SUV39H2: variants seen among roughly 807,000 people sequenced by gnomAD.
The protein encoded by SUV39H2 is histone-lysine N-methyltransferase SUV39H2.
A neutral mutation model predicts 47.5 loss-of-function variants in SUV39H2; 10 were observed. That is an observed-to-expected ratio of 0.21 (90% CI 0.13 to 0.36). The LOEUF (loss-of-function observed/expected upper bound fraction) is 0.36, where lower values mean the gene tolerates loss of function less well. Ranked by LOEUF, SUV39H2 falls within the 10% of genes least tolerant of loss-of-function variation. The pLI is 1.00. For synonymous variants in SUV39H2, 159 were observed against 166.8 expected (o/e 0.95, Z 0.36); for missense variants, 266 against 487.4 (o/e 0.55, Z 4.28).
At chr10:14,879,928 T>C (rs1329736161) in intron 1 of SUV39H2, 1 of 152,014 alleles carries the variant, frequency 6.6e-6, no homozygotes, top group East Asian at 1.9e-4. Context: ...CACTTTTTTT[T>C]TTTTTTTAAT....
rs113301024 is a variant in SUV39H2 at position 14,902,603 on chromosome 10, G to A, written c.*91G>A. The A allele has an allele frequency of 2.9e-5, 22 of 762,480 alleles. No homozygotes were observed. The African/African-American group carries it at 3.0e-4, about 10-fold the overall frequency. 47.2% of individuals were successfully genotyped at this position (762,480 alleles called of 1,614,324 possible). A position where few individuals can be genotyped will look rare whatever the true frequency, so the allele number is the denominator to read the frequency against. ...ACATATTTGGGACTCTTATTATCAA[G>A]GTTCTACCTATGTTAATTTACAATT... On this transcript the variant is annotated 3_prime_UTR_variant, in exon 6 of 6. Coordinates refer to ENST00000354919, the MANE Select transcript of SUV39H2 (RefSeq NM_001193424.2).
chr10:14,891,058 G>C (rs536810699), intron 2 of SUV39H2, among the ~76,000 whole-genome samples: 4 of 152,288 alleles, frequency 2.6e-5, no homozygotes, highest in African/African-American at 9.6e-5. Flanking sequence ...AAATAACTTA[G>C]AGTTTAAATT....
chr10:14,879,050 C>T (rs1204578310), intron 1 of SUV39H2, 131 bp downstream of exon 1: 7 of 1,315,058 alleles, frequency 5.3e-6, no homozygotes, highest in Admixed American at 4.2e-5. Flanking sequence ...ACCCCAACTC[C>T]GGGACGCACG....
intron 3 of SUV39H2, 132 bp from the exon 4 acceptor site, chr10:14,899,407 A>C (rs1328215825): frequency 1.1e-6 from 1 of 927,778 alleles, no homozygotes; most frequent in Non-Finnish European, 1.6e-6. Context: ...GTTTGTGTGA[A>C]TGTTTGCTTT....
In SUV39H2 at chr10:14,881,606, T is replaced by C. The variant is rs763481504; in HGVS notation, c.138T>C (p.Asn46=). Residue 46 remains asparagine (N), a synonymous_variant, in exon 2 of 6, where the codon AAT becomes AAC. Transcript: ENST00000354919. ...GAATCACCAAAAGGAATCTAAACAA[T>C]TATGAGGTGGAATACTTGTGTGACT... ...SIGITKRNLN[N]YEVEYLCDYK... 6.2e-7 allele frequency: 1 copy of C among 1,600,524 alleles called. No homozygotes were observed. The highest frequency in any genetic ancestry group is 1.3e-5 in the African/African-American group (1 of 74,296).
intron 2 of SUV39H2, among the ~76,000 whole-genome samples, chr10:14,896,096 C>G (rs574824374): frequency 6.6e-6 from 1 of 152,036 alleles, no homozygotes; most frequent in Non-Finnish European, 1.5e-5. Context: ...GCGTGCACCA[C>G]CACACCCAGC....
chr10:14,897,953 A>G (rs1212800200), intron 3 of SUV39H2: 1 of 152,384 alleles, frequency 6.6e-6, no homozygotes, highest in Non-Finnish European at 1.5e-5. Flanking sequence ...GAAAGATACT[A>G]TATTTATGAG....
In SUV39H2 at chr10:14,902,476, A is replaced by G; in HGVS notation, c.1197A>G (p.Lys399=). The G allele has an allele frequency of 6.2e-7, 1 of 1,605,552 alleles. No homozygotes were observed. Among genetic ancestry groups the G allele is most frequent in the Non-Finnish European group, 8.5e-7 (1 of 1,176,956 alleles). ...PAKKRVRTVC[K]CGAVTCRGYL... ...AAAAGAGGGTCAGAACAGTATGTAA[A>G]TGTGGAGCTGTGACTTGCAGAGGTT... The change falls in exon 6 of 6, where the codon AAA becomes AAG. Residue 399 remains lysine, a synonymous_variant. Coordinates refer to ENST00000354919, the MANE Select transcript of SUV39H2 (RefSeq NM_001193424.2).
chr10:14,894,146 C>T (rs186034411), intron 2 of SUV39H2, among the ~76,000 whole-genome samples: 48 of 151,718 alleles, frequency 3.2e-4, no homozygotes, highest in African/African-American at 9.2e-4. Context: ...TGAATTGTAG[C>T]GGTCACCTGA....
intron 1 of SUV39H2, chr10:14,879,812 G>A (rs978187929): frequency 6.6e-6 from 1 of 152,132 alleles, no homozygotes; most frequent in Non-Finnish European, 1.5e-5. Context: ...GTTTGTGGTG[G>A]TCATGAACTA....
chr10:14,898,223 T>C (rs907021555), intron 3 of SUV39H2: 2 of 142,046 alleles, frequency 1.4e-5, no homozygotes, highest in African/African-American at 5.3e-5. Flanking sequence ...TTTTTTTTTT[T>C]TTTTTTTGAG....
chr10:14,891,740 G>T (rs766094700), intron 2 of SUV39H2, among the ~76,000 whole-genome samples: 1 of 152,170 alleles, frequency 6.6e-6, no homozygotes, highest in Non-Finnish European at 1.5e-5. Flanking sequence ...AAGGAATAAA[G>T]AAATAATCTG....
chr10:14,894,718 A>G (rs1378539435), intron 2 of SUV39H2, among the ~76,000 whole-genome samples: 1 of 152,198 alleles, frequency 6.6e-6, no homozygotes, highest in Non-Finnish European at 1.5e-5. Flanking sequence ...AATATAATGA[A>G]ACAAAATATT....
intron 3 of SUV39H2, chr10:14,898,567 A>G (rs1474144617): frequency 6.6e-6 from 1 of 152,194 alleles, no homozygotes; most frequent in African/African-American, 2.4e-5. Flanking sequence ...TATTCAGTAT[A>G]CAAGATCTTG....
intron 3 of SUV39H2, 61 bp downstream of exon 3, chr10:14,897,578 T>C (rs1218641497): frequency 1.5e-6 from 2 of 1,358,694 alleles, no homozygotes; most frequent in African/African-American, 2.9e-5. Context: ...TTTGGAAAAT[T>C]ACCTTTTTAT....
chr10:14,903,664 AGGGAGTG>A lies in SUV39H2; in HGVS notation c.*1155_*1161del, dbSNP rs1834166926. ...CTAAAATAGAATATATTAGTTTTCA[AGGGAGTG>A]GGAGGCTTCCAACATAGTATTGAAT... is the stretch of plus-strand genomic sequence containing the variant. On this transcript the variant is annotated 3_prime_UTR_variant, in exon 6 of 6. Transcript: ENST00000354919. The A allele has an allele frequency of 6.6e-6, 1 of 152,188 alleles. No homozygotes were observed. The highest frequency in any genetic ancestry group is 1.5e-5 in the Non-Finnish European group (1 of 68,020). The allele number at this position is 152,188 out of a possible 1,614,324, so 9.4% of individuals were successfully genotyped here. A position where few individuals can be genotyped will look rare whatever the true frequency, so the allele number is the denominator to read the frequency against.
rs1253878179 is a variant in SUV39H2, at chr10:14,904,307, A to G, written c.*1795A>G. ...GTGACACAGTAAGACTGTCTCCAAA[A>G]AAAAAAAATTTTTTTTTTTTTTTTT... is the stretch of plus-strand genomic sequence containing the variant. On this transcript the variant is annotated 3_prime_UTR_variant, in exon 6 of 6. Coordinates refer to ENST00000354919, the MANE Select transcript of SUV39H2 (RefSeq NM_001193424.2). 1 of 146,430 alleles carries G rather than the reference A, an allele frequency of 6.8e-6. No individual in the cohort carries two copies. The highest frequency in any genetic ancestry group is 2.0e-4 in the East Asian group (1 of 5,126). The allele number at this position is 146,430 out of a possible 1,614,324, so 9.1% of individuals were successfully genotyped here.
intron 3 of SUV39H2, chr10:14,898,080 T>A (rs1011225244): frequency 8.1e-5 from 12 of 148,162 alleles, no homozygotes; most frequent in African/African-American, 2.8e-4. Flanking sequence ...TGTATACAAA[T>A]CATATATATG....
At chr10:14,890,536 G>T (rs1191045783) in intron 2 of SUV39H2, among the ~76,000 whole-genome samples, 1 of 152,122 alleles carries the variant, frequency 6.6e-6, no homozygotes, top group East Asian at 1.9e-4. Flanking sequence ...AAGACCACAG[G>T]CATGTGCCAC....
Sources: gnomAD v4.1 joint callset for allele counts (sites outside exome capture counted in the v4.1 genomes callset) on GRCh38, gnomAD v4.1.1 for gene constraint, MANE v1.5 for transcripts, NCBI Gene and HGNC (gene_info 2026-07-23, HGNC 2026-07-21) for gene names.